Variants in CCDC91 observed in about 807,000 individuals in gnomAD.
The protein encoded by CCDC91 is coiled-coil domain containing 91, also known as coiled-coil domain-containing protein 91.
CCDC91 carries 48 observed loss-of-function variants against 63.2 expected under a neutral mutation model. The ratio of observed to expected loss-of-function variants is 0.76; its 90% confidence interval spans 0.60 to 0.97. CCDC91 has a LOEUF of 0.97. Ranked by LOEUF, CCDC91 falls within the 50% of genes least tolerant of loss-of-function variation. The probability of loss-of-function intolerance (pLI) is 0.00; values close to 1 mark genes in which losing one functional copy is unlikely to be tolerated. For missense variants in CCDC91, 500 were observed against 494.6 expected, an observed-to-expected ratio of 1.01 and a Z score of -0.10; for synonymous variants, 167 against 165.8, an observed-to-expected ratio of 1.01 and a Z score of -0.06.
At chr12:28,203,673 G>A (rs1168473323) in intron 1 of CCDC91, among the ~76,000 whole-genome samples, 2 of 152,164 alleles carry the variant, frequency 1.3e-5, no homozygotes, top group African/African-American at 4.8e-5. Flanking sequence ...AGAAAAAGTT[G>A]AATTGTTGAT....
intron 1 of CCDC91, among the ~76,000 whole-genome samples, chr12:28,201,174 C>A (rs879970181): frequency 1.3e-5 from 2 of 150,438 alleles, no homozygotes; most frequent in Non-Finnish European, 3.0e-5. Context: ...TGGGCGGAGA[C>A]GCTCCTCACT....
intron 7 of CCDC91, among the ~76,000 whole-genome samples, chr12:28,376,150 AC>A (rs1399435199): frequency 4.6e-5 from 7 of 151,806 alleles, no homozygotes; most frequent in Non-Finnish European, 7.4e-5. Context: ...TTATTCTGCT[AC>A]CCCATGGGAA....
chr12:28,195,496 G>C (rs7974979), intron 1 of CCDC91, among the ~76,000 whole-genome samples: 39,582 of 151,914 alleles, frequency 0.26, 5,412 homozygotes, highest in Non-Finnish European at 0.31. Context: ...AATCAGTTGA[G>C]TATGTTTGTG....
At chr12:28,287,019 A>G (rs186748014) in intron 3 of CCDC91, among the ~76,000 whole-genome samples, 1 of 151,916 alleles carries the variant, frequency 6.6e-6, no homozygotes. Context: ...TCTTCTTTTA[A>G]AAAGTGTTCA....
At chr12:28,412,663 AG>A in intron 8 of CCDC91, 1 of 424,224 alleles carries the variant, frequency 2.4e-6, no homozygotes, top group South Asian at 1.7e-5. Context: ...AGAGCATGGA[AG>A]GGGACCTGAG....
intron 1 of CCDC91, among the ~76,000 whole-genome samples, chr12:28,206,275 A>G (rs1261495496): frequency 2.0e-5 from 3 of 152,120 alleles, no homozygotes; most frequent in Non-Finnish European, 2.9e-5. Flanking sequence ...TGAGAGTGTG[A>G]CCAAAACTTA....
chr12:28,416,602 G>T (rs1258490299), intron 8 of CCDC91, among the ~76,000 whole-genome samples: 3 of 152,078 alleles, frequency 2.0e-5, no homozygotes, highest in African/African-American at 2.4e-5. Context: ...CAGGAGGGCA[G>T]GCTAGGATGA....
chr12:28,469,777 A>C (rs1307065051), intron 11 of CCDC91, among the ~76,000 whole-genome samples: 2 of 152,156 alleles, frequency 1.3e-5, no homozygotes, highest in Non-Finnish European at 2.9e-5. Flanking sequence ...ACCCAGAAAC[A>C]AAGCCACACA....
intron 6 of CCDC91, among the ~76,000 whole-genome samples, chr12:28,322,466 T>C (rs1316404503): frequency 6.6e-6 from 1 of 151,912 alleles, no homozygotes; most frequent in African/African-American, 2.4e-5. Flanking sequence ...CCCTATCATT[T>C]TGGACTTTTT....
At chr12:28,294,831 T>A (rs1565748732) in intron 3 of CCDC91, among the ~76,000 whole-genome samples, 1 of 152,130 alleles carries the variant, frequency 6.6e-6, no homozygotes, top group Admixed American at 6.5e-5. Context: ...GTGATCCACC[T>A]GCTTCAGCCT....
intron 1 of CCDC91, among the ~76,000 whole-genome samples, chr12:28,200,926 G>A (rs3951365): frequency 7.4e-5 from 11 of 149,200 alleles, no homozygotes; most frequent in Admixed American, 1.3e-4. Flanking sequence ...CCTCCCTTCC[G>A]GACGGGGCGG....
intron 6 of CCDC91, among the ~76,000 whole-genome samples, chr12:28,308,439 G>A (rs1284335163): frequency 1.3e-5 from 2 of 152,008 alleles, no homozygotes; most frequent in African/African-American, 4.8e-5. Context: ...ACTGTGATCT[G>A]ATTGAAACTT....
intron 1 of CCDC91, among the ~76,000 whole-genome samples, chr12:28,202,639 A>C (rs1463547381): frequency 6.6e-6 from 1 of 152,224 alleles, no homozygotes; most frequent in Non-Finnish European, 1.5e-5. Flanking sequence ...ATGCTTAGAC[A>C]GGCAGTTTAT....
At chr12:28,538,604 T>C (rs979654787) in intron 12 of CCDC91, among the ~76,000 whole-genome samples, 1 of 152,162 alleles carries the variant, frequency 6.6e-6, no homozygotes, top group African/African-American at 2.4e-5. Flanking sequence ...TGATTTATAA[T>C]CGTCTGGGTA....
At chr12:28,282,602 T>G (rs1489382980) in intron 3 of CCDC91, among the ~76,000 whole-genome samples, 2 of 152,152 alleles carry the variant, frequency 1.3e-5, no homozygotes, top group East Asian at 3.8e-4. Flanking sequence ...ATATAATGAT[T>G]CCTTTTCATT....
chr12:28,345,210 G>GGT (rs1475834044), intron 6 of CCDC91, among the ~76,000 whole-genome samples: 2 of 151,662 alleles, frequency 1.3e-5, no homozygotes, highest in African/African-American at 2.4e-5. Flanking sequence ...ATATATTTTA[G>GGT]GTATATATAT....
chr12:28,305,945 C>A, intron 4 of CCDC91, 139 bp downstream of exon 4: 1 of 697,864 alleles, frequency 1.4e-6, no homozygotes, highest in Non-Finnish European at 2.3e-6. Context: ...AATTTTGAGG[C>A]TAATACTTAG....
intron 12 of CCDC91, among the ~76,000 whole-genome samples, chr12:28,523,191 A>G (rs1940902832): frequency 2.0e-5 from 3 of 152,200 alleles, no homozygotes; most frequent in Admixed American, 2.0e-4. Flanking sequence ...GTCTCCCATT[A>G]TTATTGTGTG....
intron 1 of CCDC91, among the ~76,000 whole-genome samples, chr12:28,197,287 C>T (rs1268377728): frequency 1.3e-5 from 2 of 151,924 alleles, no homozygotes; most frequent in South Asian, 2.1e-4. Flanking sequence ...TAGTTCAAAC[C>T]GTTTTTTAAG....
Sources: allele counts gnomAD v4.1 joint callset (sites outside exome capture counted in the v4.1 genomes callset), GRCh38; gene constraint gnomAD v4.1.1; transcripts MANE v1.5; gene names NCBI Gene and HGNC (gene_info 2026-07-23, HGNC 2026-07-21).